The following COP1 variants were observed in gnomAD, a reference collection of about 807,000 sequenced individuals.
COP1 encodes the protein E3 ubiquitin-protein ligase COP1.
Under a neutral mutation model 101.3 loss-of-function variants are expected in COP1, and 24 were observed. The observed-to-expected ratio is 0.24, with a 90% CI of 0.17 to 0.33. COP1 has a LOEUF of 0.33. COP1 is among the 10% of genes least tolerant of loss of function. The pLI is 1.00. For missense variants in COP1, 663 were observed against 906.2 expected, an observed-to-expected ratio of 0.73 and a Z score of 3.45; for synonymous variants, 347 against 341.9, an observed-to-expected ratio of 1.01 and a Z score of -0.17.
In COP1 at chr1:175,997,470, A is replaced by C. The variant is rs1332854645; in HGVS notation, c.1730-7991T>G. Among the ~76,000 whole-genome samples, 6 of 152,100 alleles carry C rather than the reference A, an allele frequency of 3.9e-5. No individual in the cohort carries two copies. The South Asian group carries it at 8.3e-4, about 21-fold the overall frequency. ...ATCAGAGTGAATAGGCAACCTACAA[A>C]ATGGGAGAAAATTTTCACAACCTAC... On this transcript the variant is annotated intron_variant, in intron 15 of 19. Transcript: ENST00000367669.
At chr1:176,022,866 T>C (rs922497875) in intron 15 of COP1, among the ~76,000 whole-genome samples, 1 of 152,236 alleles carries the variant, frequency 6.6e-6, no homozygotes, top group Non-Finnish European at 1.5e-5. Flanking sequence ...CTTGCATTTA[T>C]GCTTCTAGAC....
chr1:176,205,128 G>A (rs1429681755), intron 1 of COP1, among the ~76,000 whole-genome samples: 2 of 152,006 alleles, frequency 1.3e-5, no homozygotes, highest in Non-Finnish European at 2.9e-5. Flanking sequence ...GTTTGTGTTC[G>A]TTAAGTATAC....
chr1:176,101,965 C>A (rs1218212638), intron 9 of COP1, among the ~76,000 whole-genome samples: 1 of 152,116 alleles, frequency 6.6e-6, no homozygotes. Flanking sequence ...ATGATAGAGA[C>A]AGGAGGAAGC....
intron 15 of COP1, among the ~76,000 whole-genome samples, chr1:176,006,307 G>T (rs1040753338): frequency 6.6e-6 from 1 of 152,074 alleles, no homozygotes; most frequent in South Asian, 2.1e-4. Context: ...TATCCAATTT[G>T]CCAGTCTGTG....
At chr1:176,120,321 G>A (rs1341242197) in intron 8 of COP1, among the ~76,000 whole-genome samples, 1 of 151,978 alleles carries the variant, frequency 6.6e-6, no homozygotes, top group Non-Finnish European at 1.5e-5. Context: ...TAGGGAGGCT[G>A]AGGCAGGAGA....
chr1:176,159,626 T>C (rs1380635978), intron 5 of COP1, among the ~76,000 whole-genome samples: 4 of 151,636 alleles, frequency 2.6e-5, no homozygotes, highest in African/African-American at 9.7e-5. Flanking sequence ...GAATTTAAAA[T>C]AAATAAACCA....
At chr1:176,076,363 CT>C (rs1189252280) in intron 11 of COP1, among the ~76,000 whole-genome samples, 1 of 152,104 alleles carries the variant, frequency 6.6e-6, no homozygotes, top group Non-Finnish European at 1.5e-5. Context: ...CAATTTGCTT[CT>C]GAATAACTCT....
At chr1:176,144,141 T>A (rs1166767533) in intron 6 of COP1, among the ~76,000 whole-genome samples, 2 of 152,152 alleles carry the variant, frequency 1.3e-5, no homozygotes, top group Non-Finnish European at 1.5e-5. Context: ...ATAAAAGATA[T>A]AAGGATCATA....
intron 11 of COP1, among the ~76,000 whole-genome samples, chr1:176,078,952 T>C (rs919604907): frequency 5.9e-5 from 9 of 151,980 alleles, no homozygotes; most frequent in African/African-American, 2.2e-4. Context: ...TACCATCTCA[T>C]AGCAGAATGG....
chr1:175,984,128 A>G (rs1375014413), intron 18 of COP1, among the ~76,000 whole-genome samples: 1 of 152,210 alleles, frequency 6.6e-6, no homozygotes, highest in Non-Finnish European at 1.5e-5. Context: ...CCACGGGGAA[A>G]ATGTCTCCAG....
chr1:176,175,489 T>C (rs1038887634), intron 3 of COP1, among the ~76,000 whole-genome samples: 1 of 152,174 alleles, frequency 6.6e-6, no homozygotes, highest in Non-Finnish European at 1.5e-5. Context: ...GCGTGCAACT[T>C]AGATCCCTTG....
intron 15 of COP1, 85 bp from the exon 16 acceptor site, chr1:175,989,564 TAA>T (rs1388457786): frequency 1.4e-6 from 1 of 740,474 alleles, no homozygotes; most frequent in Non-Finnish European, 2.4e-6. Flanking sequence ...GTTTTTTCAT[TAA>T]AAGTTTCACA....
At chr1:176,189,764 G>A (rs1698910310) in intron 1 of COP1, among the ~76,000 whole-genome samples, 1 of 150,678 alleles carries the variant, frequency 6.6e-6, no homozygotes, top group African/African-American at 2.4e-5. Flanking sequence ...ACTGTCCCTA[G>A]AAACAATGAA....
chr1:176,050,212 T>C (rs1377648312), intron 11 of COP1, among the ~76,000 whole-genome samples: 5 of 152,224 alleles, frequency 3.3e-5, no homozygotes. Flanking sequence ...ACAGCTGAAA[T>C]ACGTAATTCA....
At chr1:176,116,782 A>C in intron 8 of COP1, 101 bp from the exon 9 acceptor site, 3 of 782,804 alleles carry the variant, frequency 3.8e-6, no homozygotes, top group Non-Finnish European at 6.2e-6. Flanking sequence ...CAGTATTTCT[A>C]ATTTCTAAGC....
At chr1:175,996,278 C>G (rs1404319386) in intron 15 of COP1, among the ~76,000 whole-genome samples, 5 of 152,310 alleles carry the variant, frequency 3.3e-5, no homozygotes, top group Admixed American at 3.3e-4. Flanking sequence ...ATGACCAACC[C>G]GCAGCCAATA....
chr1:175,998,054 GA>G (rs1557879554), intron 15 of COP1, among the ~76,000 whole-genome samples: 7 of 65,536 alleles, frequency 1.1e-4, no homozygotes, highest in African/African-American at 5.1e-4. Context: ...CTAAAACTTA[GA>G]GTATAATTAA....
At chr1:176,083,993 A>G (rs1350913227) in intron 10 of COP1, among the ~76,000 whole-genome samples, 2 of 152,184 alleles carry the variant, frequency 1.3e-5, no homozygotes, top group African/African-American at 4.8e-5. Context: ...ACACCCCCAA[A>G]TATAAACTGA....
chr1:175,969,601 C>A (rs1652845532), intron 18 of COP1, among the ~76,000 whole-genome samples: 1 of 152,152 alleles, frequency 6.6e-6, no homozygotes, highest in Non-Finnish European at 1.5e-5. Flanking sequence ...TTCATCAAAC[C>A]TAAGCATAAA....
Sources: gnomAD v4.1 joint callset for allele counts (sites outside exome capture counted in the v4.1 genomes callset) on GRCh38, gnomAD v4.1.1 for gene constraint, MANE v1.5 for transcripts, NCBI Gene and HGNC (gene_info 2026-07-23, HGNC 2026-07-21) for gene names.